OR2L13: variants seen among roughly 807,000 people sequenced by gnomAD.
The protein encoded by OR2L13 is olfactory receptor family 2 subfamily L member 13, also known as olfactory receptor 2L13.
In OR2L13, 14 loss-of-function variants were observed where a neutral mutation model predicts 15.3. The observed-to-expected ratio is 0.91, with a 90% CI of 0.60 to 1.43. OR2L13 has a LOEUF of 1.43. Among genes scored for constraint, OR2L13 ranks in the 40% most tolerant of loss-of-function variants. The probability of loss-of-function intolerance (pLI) is 0.00; values close to 1 mark genes in which losing one functional copy is unlikely to be tolerated. For missense variants in OR2L13, 367 were observed against 387.9 expected (o/e 0.95, Z 0.45); for synonymous variants, 152 against 142.9 (o/e 1.06, Z -0.45).
chr1:247,994,565 G>A, the OR2L13 span, among the ~76,000 whole-genome samples: 1 of 152,086 alleles, frequency 6.6e-6, no homozygotes, highest in African/African-American at 2.4e-5. Flanking sequence ...AAAAATAAGT[G>A]GAATAGATAG....
chr1:247,960,617 T>C, the OR2L13 span, among the ~76,000 whole-genome samples: 2 of 152,144 alleles, frequency 1.3e-5, no homozygotes, highest in Non-Finnish European at 2.9e-5. Flanking sequence ...TGCTTTTTTT[T>C]ACCTACTCAA....
At chr1:248,046,535 T>G in the OR2L13 span, among the ~76,000 whole-genome samples, 2 of 152,206 alleles carry the variant, frequency 1.3e-5, no homozygotes, top group African/African-American at 4.8e-5. Context: ...GAGTTTACCC[T>G]TGACATGCCT....
chr1:247,982,502 T>C, the OR2L13 span, among the ~76,000 whole-genome samples: 1 of 152,230 alleles, frequency 6.6e-6, no homozygotes, highest in Admixed American at 6.5e-5. Flanking sequence ...CTTTAAAAGA[T>C]AGTGATATGT....
chr1:248,026,643 C>T, the OR2L13 span, among the ~76,000 whole-genome samples: 47 of 152,158 alleles, frequency 3.1e-4, no homozygotes, highest in Admixed American at 7.9e-4. Flanking sequence ...GGCAGAAGAA[C>T]ATAAATTGTG....
the OR2L13 span, among the ~76,000 whole-genome samples, chr1:247,968,741 T>C: frequency 6.6e-6 from 1 of 151,982 alleles, no homozygotes; most frequent in African/African-American, 2.4e-5. Context: ...ATCCAGTCTA[T>C]CATTGATGGA....
At chr1:247,947,776 T>C in the OR2L13 span, among the ~76,000 whole-genome samples, 121,136 of 152,198 alleles carry the variant, frequency 0.8, 52,553 homozygotes, top group South Asian at 0.95. Context: ...AAAAGGGACA[T>C]AGCAATAAGG....
the OR2L13 span, among the ~76,000 whole-genome samples, chr1:248,024,962 A>G: frequency 1.3e-5 from 2 of 152,252 alleles, no homozygotes; most frequent in Non-Finnish European, 2.9e-5. Context: ...TGGTAGCTTG[A>G]TGGGGTTGGC....
chr1:248,083,597 GA>G, the OR2L13 span: 2 of 1,249,562 alleles, frequency 1.6e-6, no homozygotes, highest in Non-Finnish European at 2.3e-6. Flanking sequence ...TTAAAATGTT[GA>G]TAAATTCAGG....
At chr1:248,064,604 C>A in the OR2L13 span, among the ~76,000 whole-genome samples, 1 of 152,178 alleles carries the variant, frequency 6.6e-6, no homozygotes, top group South Asian at 2.1e-4. Flanking sequence ...CCAGTTCAGA[C>A]CCTTTACCCA....
At chr1:248,003,186 C>T in the OR2L13 span, 1 of 1,470,604 alleles carries the variant, frequency 6.8e-7, no homozygotes, top group African/African-American at 1.4e-5. Context: ...CTGTTCCCAC[C>T]ATCAAGAATT....
At chr1:248,039,503 C>G in the OR2L13 span, 1 of 204,322 alleles carries the variant, frequency 4.9e-6, no homozygotes, top group Non-Finnish European at 1.0e-5. Flanking sequence ...TCCCCATAAC[C>G]TCTGCCTCCT....
the OR2L13 span, chr1:247,990,840 C>T: frequency 3.2e-6 from 5 of 1,579,722 alleles, no homozygotes; most frequent in African/African-American, 4.0e-5. Flanking sequence ...GCACGGATAC[C>T]TGGGTCTATG....
chr1:248,004,698 A>G, the OR2L13 span, among the ~76,000 whole-genome samples: 1 of 152,342 alleles, frequency 6.6e-6, no homozygotes, highest in Non-Finnish European at 1.5e-5. Flanking sequence ...TAGGTCAACA[A>G]CAAGGACTGG....
At chr1:248,060,947 A>C in the OR2L13 span, 1 of 1,613,864 alleles carries the variant, frequency 6.2e-7, no homozygotes, top group Non-Finnish European at 8.5e-7. Flanking sequence ...TCTGGTAACA[A>C]GTCTATCTCC....
chr1:248,038,731 C>T, the OR2L13 span: 1 of 1,614,172 alleles, frequency 6.2e-7, no homozygotes, highest in Non-Finnish European at 8.5e-7. Flanking sequence ...TCTATCAACT[C>T]TTGTGCTCAC....
chr1:248,004,168 A>C, the OR2L13 span: 1 of 1,002,960 alleles, frequency 1.0e-6, no homozygotes, highest in Non-Finnish European at 1.4e-6. Flanking sequence ...CAGGAGCAAA[A>C]AGTAATCAAC....
At position 248,099,471 on chromosome 1, in the gene OR2L13, CA is replaced by C. The variant is rs749376340; in HGVS notation, c.97del (p.Ile33TyrfsTer12). 99 of 1,613,672 alleles carry C rather than the reference CA, an allele frequency of 6.1e-5. No individual in the cohort carries two copies. Among genetic ancestry groups the C allele is most frequent in the Non-Finnish European group, 8.1e-5 (95 of 1,179,708 alleles). The stretch of plus-strand genomic sequence containing the variant: ...TATTTCTCTTGTGCCTTATCATCCT[CA>C]TATTCTTTCTGGCCTCGGTGGGTAA... On this transcript the variant is annotated frameshift_variant, in exon 3 of 3. Transcript: ENST00000641714. LOFTEE classifies it high-confidence loss of function.
At chr1:248,022,588 C>A in the OR2L13 span, 2 of 1,614,156 alleles carry the variant, frequency 1.2e-6, no homozygotes, top group East Asian at 2.2e-5. Context: ...ACTGGCATTG[C>A]GTGTTCCTAT....
the OR2L13 span, among the ~76,000 whole-genome samples, chr1:247,974,417 A>G: frequency 2.6e-5 from 4 of 151,256 alleles, no homozygotes; most frequent in African/African-American, 7.4e-5. Flanking sequence ...GTATCCCAGA[A>G]CTTAAAGTAT....
Sources: allele counts gnomAD v4.1 joint callset (sites outside exome capture counted in the v4.1 genomes callset), GRCh38; gene constraint gnomAD v4.1.1; transcripts MANE v1.5; gene names NCBI Gene and HGNC (gene_info 2026-07-23, HGNC 2026-07-21).